Variants in CSMD1 observed in about 807,000 individuals in gnomAD.
CSMD1 encodes CUB and Sushi multiple domains 1.
A neutral mutation model predicts 417.5 loss-of-function variants in CSMD1; 213 were observed. That is an observed-to-expected ratio of 0.51 (90% confidence interval 0.46 to 0.57). CSMD1 has a LOEUF of 0.57. CSMD1 is among the 20% of genes least tolerant of loss of function. CSMD1 has a pLI of 0.00. For synonymous variants in CSMD1, 2,862 were observed against 1,736.8 expected, an observed-to-expected ratio of 1.65 and a Z score of -16.11; for missense variants, 6,923 against 4,529.7, an observed-to-expected ratio of 1.53 and a Z score of -15.17.
chr8:3,662,664 G>A (rs1046403491), intron 7 of CSMD1, among the ~76,000 whole-genome samples: 1 of 152,106 alleles, frequency 6.6e-6, no homozygotes, highest in African/African-American at 2.4e-5. Flanking sequence ...CAGCCATGAA[G>A]AACAATCAGT....
intron 1 of CSMD1, among the ~76,000 whole-genome samples, chr8:4,733,151 TTCAG>T (rs1411898319): frequency 3.3e-5 from 5 of 152,256 alleles, no homozygotes; most frequent in African/African-American, 9.6e-5. Context: ...CATTCATTTA[TTCAG>T]TCAATGTCTA....
chr8:4,644,667 C>G (rs1258611065), intron 1 of CSMD1, among the ~76,000 whole-genome samples: 1 of 152,216 alleles, frequency 6.6e-6, no homozygotes. Context: ...CCTCAGCCTC[C>G]CAAAGTACTG....
At chr8:3,137,040 A>C (rs1031967833) in intron 41 of CSMD1, among the ~76,000 whole-genome samples, 6 of 152,174 alleles carry the variant, frequency 3.9e-5, no homozygotes, top group African/African-American at 1.4e-4. Flanking sequence ...CTAAGTGATC[A>C]GATCTGGGTA....
chr8:2,980,552 C>G (rs1331003295), intron 54 of CSMD1, among the ~76,000 whole-genome samples: 3 of 152,222 alleles, frequency 2.0e-5, no homozygotes, highest in Non-Finnish European at 4.4e-5. Context: ...GGTTCACTGG[C>G]AGACATTTAT....
chr8:4,425,966 G>C (rs1263498224), intron 2 of CSMD1, among the ~76,000 whole-genome samples: 1 of 151,842 alleles, frequency 6.6e-6, no homozygotes, highest in Admixed American at 6.6e-5. Flanking sequence ...ATTTTAGAGA[G>C]GTAGACATAG....
chr8:4,400,715 C>T (rs934234059), intron 3 of CSMD1, among the ~76,000 whole-genome samples: 6 of 149,702 alleles, frequency 4.0e-5, no homozygotes, highest in African/African-American at 1.5e-4. Flanking sequence ...TTTTAATGGA[C>T]ACTTTGTTTC....
At chr8:3,548,770 G>T (rs374988902) in intron 10 of CSMD1, among the ~76,000 whole-genome samples, 1 of 151,546 alleles carries the variant, frequency 6.6e-6, no homozygotes, top group South Asian at 2.1e-4. Flanking sequence ...GCCCGGCCAA[G>T]TTGTTTTCAT....
intron 3 of CSMD1, among the ~76,000 whole-genome samples, chr8:4,419,338 G>A (rs374444888): frequency 1.3e-5 from 2 of 152,090 alleles, no homozygotes. Flanking sequence ...CCTAATACTT[G>A]AAATGATAAT....
intron 2 of CSMD1, among the ~76,000 whole-genome samples, chr8:4,612,957 G>A (rs1234470992): frequency 1.3e-5 from 2 of 152,158 alleles, no homozygotes; most frequent in African/African-American, 4.8e-5. Flanking sequence ...CTGTGACACA[G>A]GGACTAGAGA....
rs781489873 is a variant in CSMD1, at chr8:3,187,938, G to C, written c.5551C>G (p.Gln1851Glu). 7.4e-6 allele frequency: 12 copies of C among 1,612,940 alleles called. No homozygotes were observed. The Admixed American group carries it at 1.7e-4, about 22-fold the overall frequency. The change falls in exon 36 of 70, where the codon CAG becomes GAG. Residue 1851 changes from glutamine to glutamate, a missense_variant. Coordinates refer to ENST00000635120, the MANE Select transcript of CSMD1 (RefSeq NM_033225.6). ...TGGATCTCAAGGGAGTCCCAGTTCT[G>C]CTCCGTGGCAAAACTGATCACTTGG... ...QIQVISFATEQNWDSLEIHDG... is the reference protein window; with the variant it reads ...QIQVISFATEENWDSLEIHDG...
chr8:3,689,084 C>G (rs1457513365), intron 7 of CSMD1, among the ~76,000 whole-genome samples: 2 of 152,170 alleles, frequency 1.3e-5, no homozygotes, highest in African/African-American at 4.8e-5. Flanking sequence ...TTATTCCCAA[C>G]TCATCATAAA....
chr8:3,983,425 C>T lies in CSMD1; in HGVS notation c.818+14478G>A, dbSNP rs139988547. On this transcript the variant is annotated intron_variant, in intron 5 of 69. Coordinates refer to ENST00000635120, the MANE Select transcript of CSMD1 (RefSeq NM_033225.6). ...GATTACAGGCGTGAGCCACCGCGCCCGGCCGCAGCCTCCCACATCTAAAAT... is the reference window on the plus strand; with the variant it reads ...GATTACAGGCGTGAGCCACCGCGCCTGGCCGCAGCCTCCCACATCTAAAAT... Among the ~76,000 whole-genome samples, 478 of 152,064 alleles carry T rather than the reference C, an allele frequency of 3.1e-3. 8 individuals carry two copies. Among genetic ancestry groups the T allele is most frequent in the Admixed American group, 0.023 (352 of 15,286 alleles).
chr8:4,683,399 G>T (rs902932149), intron 1 of CSMD1, among the ~76,000 whole-genome samples: 2 of 152,078 alleles, frequency 1.3e-5, no homozygotes, highest in Non-Finnish European at 2.9e-5. Context: ...TCTGAGACCT[G>T]TCCTTACATT....
chr8:3,443,131 G>T (rs1379679522), intron 12 of CSMD1, among the ~76,000 whole-genome samples: 3 of 152,162 alleles, frequency 2.0e-5, no homozygotes, highest in African/African-American at 7.2e-5. Flanking sequence ...ACATCCACTA[G>T]TGAGCAGTGT....
intron 8 of CSMD1, among the ~76,000 whole-genome samples, chr8:3,609,701 G>A (rs538180446): frequency 6.8e-6 from 1 of 146,022 alleles, no homozygotes; most frequent in Non-Finnish European, 1.5e-5. Context: ...TGTTAGTTTG[G>A]ATTACATGTT....
chr8:3,367,390 G>C (rs1809665825), intron 19 of CSMD1, 143 bp from the exon 20 acceptor site: 4 of 621,856 alleles, frequency 6.4e-6, no homozygotes, highest in African/African-American at 3.7e-5. Context: ...GGGGAAGACA[G>C]ATTGCAGAGA....
intron 3 of CSMD1, among the ~76,000 whole-genome samples, chr8:4,281,405 A>C (rs1796777850): frequency 1.3e-5 from 2 of 152,194 alleles, no homozygotes; most frequent in Admixed American, 1.3e-4. Context: ...AAACAGCTTT[A>C]AATTATCATG....
At chr8:4,101,770 A>C (rs1485357211) in intron 3 of CSMD1, among the ~76,000 whole-genome samples, 1 of 152,244 alleles carries the variant, frequency 6.6e-6, no homozygotes, top group African/African-American at 2.4e-5. Flanking sequence ...TGCTTAGGAC[A>C]GCAAATGCTG....
intron 26 of CSMD1, among the ~76,000 whole-genome samples, chr8:3,274,995 C>A (rs1286081854): frequency 6.6e-6 from 1 of 150,972 alleles, no homozygotes; most frequent in Non-Finnish European, 1.5e-5. Flanking sequence ...TTATTTTGCT[C>A]GTTAGTTGAT....
Sources: gnomAD v4.1 joint callset for allele counts (sites outside exome capture counted in the v4.1 genomes callset) on GRCh38, gnomAD v4.1.1 for gene constraint, MANE v1.5 for transcripts, NCBI Gene and HGNC (gene_info 2026-07-23, HGNC 2026-07-21) for gene names.